Variants in ZNF831 observed in about 807,000 individuals in gnomAD.
ZNF831 encodes the protein zinc finger protein 831.
ZNF831 carries 59 observed loss-of-function variants against 95.8 expected under a neutral mutation model. The observed-to-expected ratio is 0.62, with a 90% confidence interval of 0.50 to 0.77. The LOEUF is 0.77. Among genes scored for constraint, ZNF831 ranks in the 30% least tolerant of loss-of-function variants. The pLI is 0.00. For missense variants in ZNF831, 2,205 were observed against 2,164.0 expected (o/e 1.02, Z -0.38); for synonymous variants, 961 against 925.5 (o/e 1.04, Z -0.70).
intron 3 of ZNF831, 95 bp downstream of exon 3, chr20:59,196,100 T>C: frequency 6.7e-7 from 1 of 1,501,476 alleles, no homozygotes; most frequent in South Asian, 1.3e-5. Context: ...GAGAAAGAGT[T>C]CCTGTTTCCT....
intron 4 of ZNF831, among the ~76,000 whole-genome samples, chr20:59,243,117 A>G (rs889089910): frequency 6.6e-6 from 1 of 152,336 alleles, no homozygotes; most frequent in East Asian, 1.9e-4. Flanking sequence ...GGAGACCTCT[A>G]TTCTTTCCCG....
chr20:59,231,348 G>C (rs145273578), intron 4 of ZNF831, among the ~76,000 whole-genome samples: 45 of 152,300 alleles, frequency 3.0e-4, no homozygotes, highest in African/African-American at 1.1e-3. Context: ...GTCCACATGT[G>C]TTTTTCCTTA....
chr20:59,128,211 A>G (rs1452048879), intron 1 of ZNF831, among the ~76,000 whole-genome samples: 2 of 152,238 alleles, frequency 1.3e-5, no homozygotes, highest in Non-Finnish European at 2.9e-5. Flanking sequence ...CACAGTGAGG[A>G]GGGATACTAA....
At chr20:59,234,843 C>T (rs1402255083) in intron 4 of ZNF831, among the ~76,000 whole-genome samples, 1 of 152,204 alleles carries the variant, frequency 6.6e-6, no homozygotes, top group Non-Finnish European at 1.5e-5. Context: ...CCCATAAACT[C>T]TGCACCTAGT....
intron 1 of ZNF831, among the ~76,000 whole-genome samples, chr20:59,126,770 A>G (rs1979184450): frequency 6.6e-6 from 1 of 152,092 alleles, no homozygotes; most frequent in East Asian, 1.9e-4. Context: ...TTCTGGAAAG[A>G]CTTTCTTGCT....
intron 1 of ZNF831, among the ~76,000 whole-genome samples, chr20:59,186,103 G>A (rs925130216): frequency 3.9e-5 from 6 of 152,188 alleles, no homozygotes; most frequent in Non-Finnish European, 8.8e-5. Flanking sequence ...TGCCCCTGGG[G>A]TGCATGTTCT....
At chr20:59,182,023 C>G (rs1336854449) in intron 1 of ZNF831, among the ~76,000 whole-genome samples, 1 of 152,178 alleles carries the variant, frequency 6.6e-6, no homozygotes, top group East Asian at 1.9e-4. Context: ...TCCCTGTTCT[C>G]TCTGTCTTTC....
rs751962095 is a variant in ZNF831, at chr20:59,192,588, G to A, written c.1569G>A (p.Arg523=). Residue 523 remains arginine (R), a synonymous_variant, in exon 2 of 6, where the codon CGG becomes CGA. Transcript: ENST00000371030. The surrounding 1 kb of genome is among the most constrained non-coding windows in gnomAD (Gnocchi z 5.2). ...SRTWLEPREP[R]DPWSRTQKPL... The stretch of plus-strand genomic sequence containing the variant: ...CGTGGCTGGAGCCCAGGGAGCCCCG[G>A]GACCCCTGGTCCAGGACGCAGAAGC... The A allele has an allele frequency of 6.6e-7, 1 of 1,512,548 alleles. No individual in the cohort carries two copies. Among genetic ancestry groups the A allele is most frequent in the Non-Finnish European group, 8.8e-7 (1 of 1,134,118 alleles). 93.7% of individuals were successfully genotyped at this position (1,512,548 alleles called of 1,614,324 possible).
intron 4 of ZNF831, among the ~76,000 whole-genome samples, chr20:59,211,779 T>TGGTGTGTGTGTGTG (rs1555831206): frequency 2.0e-5 from 3 of 146,786 alleles, no homozygotes; most frequent in African/African-American, 7.5e-5. Context: ...GGAGCTGACC[T>TGGTGTGTGTGTGTG]TGTGTGTGTG....
At chr20:59,194,986 T>C (rs891968219) in intron 2 of ZNF831, among the ~76,000 whole-genome samples, 5 of 152,184 alleles carry the variant, frequency 3.3e-5, no homozygotes, top group Admixed American at 6.5e-5. Flanking sequence ...AAGGAAAGAA[T>C]TACTGTACTC....
intron 1 of ZNF831, among the ~76,000 whole-genome samples, chr20:59,133,666 G>C (rs1023290629): frequency 6.6e-6 from 1 of 152,154 alleles, no homozygotes; most frequent in African/African-American, 2.4e-5. Flanking sequence ...GGTTGACCAA[G>C]TGAGGAAGAA....
intron 2 of ZNF831, among the ~76,000 whole-genome samples, chr20:59,150,780 G>A (rs1436240782): frequency 2.6e-5 from 4 of 152,206 alleles, no homozygotes; most frequent in Admixed American, 2.6e-4. Flanking sequence ...TTGTCCAGGA[G>A]AGAAACAGAG....
At chr20:59,135,871 G>A (rs926974768) in intron 1 of ZNF831, among the ~76,000 whole-genome samples, 1 of 152,202 alleles carries the variant, frequency 6.6e-6, no homozygotes, top group Admixed American at 6.5e-5. Context: ...ATACTTGGGA[G>A]GCTGAGGTGG....
chr20:59,220,332 C>G (rs1015134766), intron 4 of ZNF831, among the ~76,000 whole-genome samples: 5 of 152,200 alleles, frequency 3.3e-5, no homozygotes, highest in African/African-American at 1.2e-4. Flanking sequence ...GCACCAGGTG[C>G]GCCTTGCGGG....
At chr20:59,214,204 G>A (rs4812066) in intron 4 of ZNF831, among the ~76,000 whole-genome samples, 17,798 of 152,188 alleles carry the variant, frequency 0.12, 1,232 homozygotes, top group East Asian at 0.28. Context: ...AAATTCCCAC[G>A]TGTCCCTGCT....
At chr20:59,253,874 T>A in intron 5 of ZNF831, 24 bp from the exon 6 acceptor site, 3 of 824,564 alleles carry the variant, frequency 3.6e-6, no homozygotes, top group East Asian at 5.4e-5. Context: ...CCCCACTTTT[T>A]TTTTCCTTTG....
chr20:59,215,711 G>A (rs1264038983), intron 4 of ZNF831, among the ~76,000 whole-genome samples: 1 of 152,180 alleles, frequency 6.6e-6, no homozygotes, highest in African/African-American at 2.4e-5. Flanking sequence ...AACTTTTGTT[G>A]CATCTACATG....
intron 4 of ZNF831, among the ~76,000 whole-genome samples, chr20:59,236,560 CTT>C (rs1459920541): frequency 5.1e-5 from 6 of 118,706 alleles, no homozygotes; most frequent in South Asian, 2.7e-4. Flanking sequence ...TAGTTTTTTG[CTT>C]TTTTTTTTTT....
Position 59,192,321 on chromosome 20 carries a change from G to T in ZNF831, c.1302G>T (p.Leu434=). 1 of 1,598,858 alleles carries T rather than the reference G, an allele frequency of 6.3e-7. No homozygotes were observed. The highest frequency in any genetic ancestry group is 8.5e-7 in the Non-Finnish European group (1 of 1,172,684). Residue 434 remains leucine (L), a synonymous_variant, in exon 2 of 6, where the codon CTG becomes CTT. Transcript: ENST00000371030. The surrounding 1 kb of genome is among the most constrained non-coding windows in gnomAD (Gnocchi z 5.2). ...ACGTGCGGCCCCGGAAGACCGGGCT[G>T]TCCAAACAGGGCAGCATCGACCTGC... is the stretch of plus-strand genomic sequence containing the variant. ...LDNVRPRKTG[L]SKQGSIDLPT...
Sources: gnomAD v4.1 joint callset for allele counts (sites outside exome capture counted in the v4.1 genomes callset) on GRCh38, gnomAD v4.1.1 for gene constraint, Gnocchi (gnomAD v3.1) non-coding constraint, MANE v1.5 for transcripts, NCBI Gene and HGNC (gene_info 2026-07-23, HGNC 2026-07-21) for gene names.